Variants in DENND1A observed in about 807,000 individuals in gnomAD.
The protein encoded by DENND1A is DENN domain-containing protein 1A.
In DENND1A, 51 loss-of-function variants were observed where a neutral mutation model predicts 113.7. That is an observed-to-expected ratio of 0.45 (90% CI 0.36 to 0.57). The LOEUF is 0.57. Among genes scored for constraint, DENND1A ranks in the 20% least tolerant of loss-of-function variants. The probability of loss-of-function intolerance (pLI) is 0.00; values close to 1 mark genes in which losing one functional copy is unlikely to be tolerated. For synonymous variants in DENND1A, 565 were observed against 570.8 expected (o/e 0.99, Z 0.14); for missense variants, 1,258 against 1,395.9 (o/e 0.90, Z 1.57).
In DENND1A at chr9:123,444,918, C is replaced by CA. The variant is rs1277278998; in HGVS notation, c.1357-4428dup. 2.0e-5 allele frequency among the ~76,000 whole-genome samples: 3 copies of CA among 152,328 alleles called. No individual in the cohort carries two copies. The East Asian group carries it at 5.8e-4, about 29-fold the overall frequency. On this transcript the variant is annotated intron_variant, in intron 18 of 23. Transcript: ENST00000394215. ...GGTCACACAGGAGGAAGACGCCAGA[C>CA]AGAGCTACATATCAGGGGCCACCAC...
intron 12 of DENND1A, among the ~76,000 whole-genome samples, chr9:123,578,522 G>C (rs1334667002): frequency 1.3e-5 from 2 of 152,168 alleles, no homozygotes; most frequent in Non-Finnish European, 2.9e-5. Context: ...TGGGATTATA[G>C]GCATGAGCCA....
chr9:123,717,319 T>A (rs1396753220), intron 5 of DENND1A, among the ~76,000 whole-genome samples: 2 of 152,198 alleles, frequency 1.3e-5, no homozygotes, highest in Non-Finnish European at 2.9e-5. Flanking sequence ...GTCTATACCA[T>A]GGGCCATGCC....
chr9:123,779,061 A>G (rs1186834570), intron 3 of DENND1A, among the ~76,000 whole-genome samples: 3 of 152,236 alleles, frequency 2.0e-5, no homozygotes, highest in Non-Finnish European at 2.9e-5. Context: ...TCTTAGATCA[A>G]TATAGTTCAT....
chr9:123,534,558 G>A (rs1035650099), intron 13 of DENND1A, among the ~76,000 whole-genome samples: 2 of 152,150 alleles, frequency 1.3e-5, no homozygotes, highest in African/African-American at 4.8e-5. Flanking sequence ...ATGCCAAATT[G>A]TTTTCCAAAA....
intron 4 of DENND1A, 104 bp from the exon 5 acceptor site, chr9:123,757,926 G>T: frequency 2.4e-6 from 3 of 1,268,130 alleles, no homozygotes; most frequent in East Asian, 3.1e-5. Flanking sequence ...TCCTCTCTCA[G>T]TGGAACTCTT....
chr9:123,444,303 G>A (rs2047143765), intron 18 of DENND1A, among the ~76,000 whole-genome samples: 1 of 152,072 alleles, frequency 6.6e-6, no homozygotes, highest in Non-Finnish European at 1.5e-5. Flanking sequence ...CTCATGTAAG[G>A]GTCCAACAAT....
At chr9:123,403,350 G>C in intron 21 of DENND1A, 52 bp downstream of exon 21, 1 of 1,591,516 alleles carries the variant, frequency 6.3e-7, no homozygotes, top group Non-Finnish European at 8.6e-7. Flanking sequence ...CAAAGTGCTG[G>C]CTCCGCAGAC....
At chr9:123,575,862 T>C (rs2058607807) in intron 12 of DENND1A, among the ~76,000 whole-genome samples, 2 of 152,250 alleles carry the variant, frequency 1.3e-5, no homozygotes, top group East Asian at 1.9e-4. Flanking sequence ...TGACTCTTCA[T>C]ATTTAAAGTA....
At chr9:123,576,451 TCTG>T (rs2058641973) in intron 12 of DENND1A, among the ~76,000 whole-genome samples, 1 of 152,204 alleles carries the variant, frequency 6.6e-6, no homozygotes, top group Non-Finnish European at 1.5e-5. Context: ...GTAGTGCAGG[TCTG>T]CTGACAATGA....
intron 13 of DENND1A, among the ~76,000 whole-genome samples, chr9:123,494,479 C>T (rs533778650): frequency 6.6e-6 from 1 of 152,174 alleles, no homozygotes; most frequent in Admixed American, 6.5e-5. Flanking sequence ...GAAACCAGGA[C>T]TCCTGATACT....
chr9:123,711,515 A>ATATATATATATATATATGTATATATG (rs1564998227), intron 5 of DENND1A, among the ~76,000 whole-genome samples: 21 of 30,526 alleles, frequency 6.9e-4, no homozygotes, highest in Admixed American at 6.3e-3. Context: ...GTATATATGT[A>ATATATATATATATATATGTATATATG]TATATATATA....
intron 15 of DENND1A, chr9:123,456,885 T>A (rs1479632590): frequency 6.4e-6 from 1 of 157,400 alleles, no homozygotes; most frequent in African/African-American, 2.4e-5. Context: ...CCTGGATGAC[T>A]GCACAAACCT....
At chr9:123,617,271 G>A (rs2060699188) in intron 10 of DENND1A, among the ~76,000 whole-genome samples, 1 of 152,240 alleles carries the variant, frequency 6.6e-6, no homozygotes, top group African/African-American at 2.4e-5. Flanking sequence ...AGGGGAGAAG[G>A]CAGAGATGGC....
chr9:123,830,105 G>C (rs1352666757), intron 2 of DENND1A, among the ~76,000 whole-genome samples: 2 of 152,054 alleles, frequency 1.3e-5, no homozygotes, highest in East Asian at 3.8e-4. Flanking sequence ...CATCCAAATG[G>C]ATAAGCAAAT....
chr9:123,845,626 T>C (rs202223872), intron 2 of DENND1A, among the ~76,000 whole-genome samples: 1 of 132,594 alleles, frequency 7.5e-6, no homozygotes, highest in Non-Finnish European at 1.5e-5. Context: ...GCTAAGTTCA[T>C]GCCACTGTAT....
intron 1 of DENND1A, among the ~76,000 whole-genome samples, chr9:123,913,595 A>G (rs1564495977): frequency 1.2e-4 from 18 of 152,128 alleles, no homozygotes. Flanking sequence ...GAAGAAGAGA[A>G]AGAATACTGC....
At chr9:123,607,852 G>A (rs1018939178) in intron 11 of DENND1A, among the ~76,000 whole-genome samples, 2 of 152,010 alleles carry the variant, frequency 1.3e-5, no homozygotes, top group African/African-American at 4.8e-5. Flanking sequence ...GAAAAAGCCT[G>A]TGCTGGAGCA....
In DENND1A at chr9:123,382,538, C is replaced by CCAA. The variant is rs1564394003; in HGVS notation, c.2106_2107insTTG (p.Leu702dup). The CCAA allele has an allele frequency of 6.2e-7, 1 of 1,614,080 alleles. No individual in the cohort carries two copies. Among genetic ancestry groups the CCAA allele is most frequent in the Non-Finnish European group, 8.5e-7 (1 of 1,180,014 alleles). ...CTGGGGATGGCCATGTCGTCCTGGC[C>CCAA]CAGGCTCCAGAGCTTGTTGTACGGG... On this transcript the variant is annotated inframe_insertion, in exon 24 of 24. Coordinates refer to ENST00000394215, the MANE Select transcript of DENND1A (RefSeq NM_001352964.2).
At chr9:123,782,964 C>T (rs750148123) in intron 3 of DENND1A, among the ~76,000 whole-genome samples, 1 of 151,432 alleles carries the variant, frequency 6.6e-6, no homozygotes, top group Non-Finnish European at 1.5e-5. Context: ...TGAAGTTACA[C>T]AGTTGAAAAT....
Sources: allele counts gnomAD v4.1 joint callset (sites outside exome capture counted in the v4.1 genomes callset), GRCh38; gene constraint gnomAD v4.1.1; transcripts MANE v1.5; gene names NCBI Gene and HGNC (gene_info 2026-07-23, HGNC 2026-07-21).